TMED8: variants seen among roughly 807,000 people sequenced by gnomAD.
TMED8 encodes the protein protein TMED8.
In TMED8, 15 loss-of-function variants were observed where a neutral mutation model predicts 32.7. The ratio of observed to expected loss-of-function variants is 0.46; its 90% CI spans 0.31 to 0.71. The LOEUF is 0.71. Ranked by LOEUF, TMED8 falls within the 30% of genes least tolerant of loss-of-function variation. The pLI, the probability that TMED8 is intolerant of heterozygous loss-of-function variation, is 0.06. For synonymous variants in TMED8, 147 were observed against 161.4 expected (o/e 0.91, Z 0.68); for missense variants, 390 against 423.9 (o/e 0.92, Z 0.70).
rs1892750478 is a variant in TMED8 at position 77,335,936 on chromosome 14, A to G, written c.*5835T>C. On this transcript the variant is annotated 3_prime_UTR_variant, in exon 6 of 6. Transcript: ENST00000216468. ...TTAGGATATGAGAGACGGAATTAAG[A>G]TAATGTTTTCCAGATGATTCTTGGC... The G allele has an allele frequency of 6.6e-6, 1 of 152,214 alleles. No individual in the cohort carries two copies. Among genetic ancestry groups the G allele is most frequent in the African/African-American group, 2.4e-5 (1 of 41,462 alleles). 9.4% of individuals were successfully genotyped at this position (152,214 alleles called of 1,614,324 possible). A position where few individuals can be genotyped will look rare whatever the true frequency, so the allele number is the denominator to read the frequency against.
chr14:77,373,797 C>T (rs745589694), intron 1 of TMED8, among the ~76,000 whole-genome samples: 6 of 152,200 alleles, frequency 3.9e-5, no homozygotes, highest in Middle Eastern at 3.4e-3. Flanking sequence ...GAGATGAATC[C>T]CTCATGAATG....
rs201856032 is a variant in TMED8 at position 77,341,811 on chromosome 14, C to T, written c.938G>A (p.Arg313His). The T allele has an allele frequency of 1.7e-5, 28 of 1,613,872 alleles. No individual in the cohort carries two copies. Among genetic ancestry groups the T allele is most frequent in the African/African-American group, 2.7e-5 (2 of 74,830 alleles). The stretch of plus-strand genomic sequence containing the variant: ...GATGTGGAAGTAGAGAGTCTTGTTG[C>T]GCAGCAGGGAGTAGGAGTTGTCGAA... ...LKFDNSYSLL[R>H]NKTLYFHIYY... Residue 313 changes from arginine to histidine, a missense_variant, in exon 6 of 6, where the codon CGC (arginine) becomes CAC (histidine). By Grantham distance (29) the Arg-to-His change is conservative. Transcript: ENST00000216468.
In TMED8 at chr14:77,341,089, G is replaced by A. The variant is rs895949286; in HGVS notation, c.*682C>T. ...ATGGGGGCAGTTTTTCTTCCCACAA[G>A]ATCTTAGGTTACATTGATCATCACT... is the stretch of plus-strand genomic sequence containing the variant. On this transcript the variant is annotated 3_prime_UTR_variant, in exon 6 of 6. Coordinates refer to ENST00000216468, the MANE Select transcript of TMED8 (RefSeq NM_213601.3). The A allele has an allele frequency of 1.3e-5, 2 of 152,204 alleles. No homozygotes were observed. Among genetic ancestry groups the A allele is most frequent in the African/African-American group, 4.8e-5 (2 of 41,426 alleles). The allele number at this position is 152,204 out of a possible 1,614,324, so 9.4% of individuals were successfully genotyped here.
intron 1 of TMED8, 112 bp from the exon 2 acceptor site, chr14:77,351,863 T>G: frequency 2.5e-6 from 2 of 806,926 alleles, no homozygotes; most frequent in South Asian, 4.1e-5. Flanking sequence ...CCAAAAATAT[T>G]CTGGTATGAA....
intron 1 of TMED8, among the ~76,000 whole-genome samples, chr14:77,372,179 G>A (rs1415719185): frequency 6.6e-6 from 1 of 152,160 alleles, no homozygotes; most frequent in African/African-American, 2.4e-5. Flanking sequence ...GGCCACTAAA[G>A]CAAAGGTGAG....
rs1892877196 is a variant in TMED8 at position 77,340,759 on chromosome 14, C to T, written c.*1012G>A. 6.6e-6 allele frequency: 1 copy of T among 152,152 alleles called. No individual in the cohort carries two copies. Among genetic ancestry groups the T allele is most frequent in the Admixed American group, 6.5e-5 (1 of 15,286 alleles). 9.4% of individuals were successfully genotyped at this position (152,152 alleles called of 1,614,324 possible). A position where few individuals can be genotyped will look rare whatever the true frequency, so the allele number is the denominator to read the frequency against. On this transcript the variant is annotated 3_prime_UTR_variant, in exon 6 of 6. Coordinates refer to ENST00000216468, the MANE Select transcript of TMED8 (RefSeq NM_213601.3). ...GCTTTAAGCCCTCAATGCAAGAAAG[C>T]TAAATGCAGAAACTTTGGAAACCTG...
rs1892857778 is a variant in TMED8, at chr14:77,340,053, A to C, written c.*1718T>G. ...GAGACAAAGGACTCTGAAATCCTGG[A>C]ATCACGGGATATCTCTGATTGGTTA... On this transcript the variant is annotated 3_prime_UTR_variant, in exon 6 of 6. Transcript: ENST00000216468. 2 of 152,222 alleles carry C rather than the reference A, an allele frequency of 1.3e-5. No homozygotes were observed. 9.4% of individuals were successfully genotyped at this position (152,222 alleles called of 1,614,324 possible).
chr14:77,352,805 G>A (rs374134777), intron 1 of TMED8, among the ~76,000 whole-genome samples: 2 of 152,116 alleles, frequency 1.3e-5, no homozygotes, highest in African/African-American at 4.8e-5. Context: ...AAATTAGGCA[G>A]AACATAGAGG....
At position 77,376,533 on chromosome 14, in the gene TMED8, G is replaced by C. The variant is rs1893820412; in HGVS notation, c.118+403C>G. Among the ~76,000 whole-genome samples the C allele has an allele frequency of 6.6e-6, 1 of 152,082 alleles. No homozygotes were observed. Among genetic ancestry groups the C allele is most frequent in the African/African-American group, 2.4e-5 (1 of 41,422 alleles). On this transcript the variant is annotated intron_variant, in intron 1 of 5. Coordinates refer to ENST00000216468, the MANE Select transcript of TMED8 (RefSeq NM_213601.3). This position sits in a 1 kb window ranked among gnomAD's most constrained non-coding sequence, Gnocchi z 4.0. The stretch of plus-strand genomic sequence containing the variant: ...GGCAGGGGACTGAGATGGGGATAGG[G>C]TGGGGAGCCAGAAGCAGGGGGCGGC...
At chr14:77,342,028 A>G (rs745363253) in intron 5 of TMED8, 40 bp from the exon 6 acceptor site, 1 of 1,591,154 alleles carries the variant, frequency 6.3e-7, no homozygotes, top group Non-Finnish European at 8.6e-7. Flanking sequence ...AGACTGCGTA[A>G]GTCCTGCCTG....
chr14:77,353,439 G>GTTTT (rs71303874), intron 1 of TMED8, among the ~76,000 whole-genome samples: 7 of 127,520 alleles, frequency 5.5e-5, no homozygotes, highest in African/African-American at 1.7e-4. Flanking sequence ...TCTTTTCTTT[G>GTTTT]TTTTTTTTTT....
rs1168731434 is a variant in TMED8 at position 77,335,765 on chromosome 14, T to C, written c.*6006A>G. 6.6e-6 allele frequency: 1 copy of C among 152,228 alleles called. No homozygotes were observed. The highest frequency in any genetic ancestry group is 1.5e-5 in the Non-Finnish European group (1 of 68,040). The allele number at this position is 152,228 out of a possible 1,614,324, so 9.4% of individuals were successfully genotyped here. On this transcript the variant is annotated 3_prime_UTR_variant, in exon 6 of 6. Transcript: ENST00000216468. ...TACACCAGATTCATGGGTTACAGGA[T>C]TGCTTTCTCTAGACTTGGCTTCTCT...
At chr14:77,362,068 C>A (rs1446567730) in intron 1 of TMED8, among the ~76,000 whole-genome samples, 1 of 152,054 alleles carries the variant, frequency 6.6e-6, no homozygotes, top group African/African-American at 2.4e-5. Context: ...GATTTTTTAT[C>A]CTGCAACTTT....
intron 1 of TMED8, among the ~76,000 whole-genome samples, chr14:77,354,954 CA>C (rs58297150): frequency 2.0e-3 from 266 of 130,290 alleles, no homozygotes; most frequent in Admixed American, 1.7e-3. Flanking sequence ...AACTCTGTCT[CA>C]AAAAAAAAAA....
Position 77,336,057 on chromosome 14 carries a change from C to T in TMED8, c.*5714G>A, listed in dbSNP as rs1312025103. The T allele has an allele frequency of 6.6e-6, 1 of 152,176 alleles. No homozygotes were observed. Among genetic ancestry groups the T allele is most frequent in the Non-Finnish European group, 1.5e-5 (1 of 68,030 alleles). 9.4% of individuals were successfully genotyped at this position (152,176 alleles called of 1,614,324 possible). A position where few individuals can be genotyped will look rare whatever the true frequency, so the allele number is the denominator to read the frequency against. On this transcript the variant is annotated 3_prime_UTR_variant, in exon 6 of 6. Coordinates refer to ENST00000216468, the MANE Select transcript of TMED8 (RefSeq NM_213601.3). ...GAGTTCAGGAAGAGAGCCCCTTAAACTCTGAATTAAGGGCTCTTTGGTAAT... is the reference window on the plus strand; with the variant it reads ...GAGTTCAGGAAGAGAGCCCCTTAAATTCTGAATTAAGGGCTCTTTGGTAAT...
intron 1 of TMED8, among the ~76,000 whole-genome samples, chr14:77,366,344 G>A (rs943871222): frequency 6.6e-6 from 1 of 152,166 alleles, no homozygotes; most frequent in African/African-American, 2.4e-5. Flanking sequence ...AGGAAGTCAG[G>A]GAACAAGCAC....
chr14:77,372,888 T>C (rs1174671128), intron 1 of TMED8, among the ~76,000 whole-genome samples: 2 of 112,700 alleles, frequency 1.8e-5, no homozygotes, highest in Non-Finnish European at 3.7e-5. Flanking sequence ...TTCATGCACA[T>C]TGAAATAGCC....
At chr14:77,359,687 C>A in intron 1 of TMED8, 1 of 291,388 alleles carries the variant, frequency 3.4e-6, no homozygotes, top group East Asian at 1.1e-4. Flanking sequence ...CAGGTGGAGG[C>A]AAACCATGGT....
intron 1 of TMED8, among the ~76,000 whole-genome samples, chr14:77,371,981 CT>C (rs1182760454): frequency 6.6e-6 from 1 of 152,034 alleles, no homozygotes; most frequent in Non-Finnish European, 1.5e-5. Context: ...TAGAATGAAA[CT>C]TTTAAGTGTC....
Sources: gnomAD v4.1 joint callset for allele counts (sites outside exome capture counted in the v4.1 genomes callset) on GRCh38, gnomAD v4.1.1 for gene constraint, Gnocchi (gnomAD v3.1) non-coding constraint, MANE v1.5 for transcripts, NCBI Gene and HGNC (gene_info 2026-07-23, HGNC 2026-07-21) for gene names.